The following HSPA14 variants were observed in gnomAD, a reference collection of about 807,000 sequenced individuals.
HSPA14 encodes the protein heat shock protein family A (Hsp70) member 14, also known as heat shock 70 kDa protein 14.
In HSPA14, 37 loss-of-function variants were observed where a neutral mutation model predicts 65.5. The ratio of observed to expected loss-of-function variants is 0.56; its 90% CI spans 0.43 to 0.74. HSPA14 has a LOEUF of 0.74. HSPA14 is among the 30% of genes least tolerant of loss of function. The pLI, the probability that HSPA14 is intolerant of heterozygous loss-of-function variation, is 0.00. For missense variants in HSPA14, 564 were observed against 607.6 expected (o/e 0.93, Z 0.75); for synonymous variants, 203 against 214.2 (o/e 0.95, Z 0.46).
rs1255512417 is a variant in HSPA14, at chr10:14,839,903, AGGATGGCCGG to A, written c.58_67del (p.Asp20LeufsTer35). Reference sequence around the variant, plus strand: ...CTATGTATTTCGTGTTTTTTTCTCTAGGATGGCCGGGCTGGTGTGGTTGCAAATGATGCCG... The same window carrying A: ...CTATGTATTTCGTGTTTTTTTCTCTAGCTGGTGTGGTTGCAAATGATGCCG... On this transcript the variant is annotated splice_acceptor_variant and coding_sequence_variant, in exon 2 of 14. Transcript: ENST00000378372. LOFTEE classifies it high-confidence loss of function. The A allele has an allele frequency of 6.2e-7, 1 of 1,611,752 alleles. No homozygotes were observed.
At chr10:14,838,739 C>T in intron 1 of HSPA14, among the ~76,000 whole-genome samples, 1 of 152,074 alleles carries the variant, frequency 6.6e-6, no homozygotes, top group East Asian at 1.9e-4. Flanking sequence ...GTCCCAGGGA[C>T]GACGTAGCTG....
At chr10:14,853,860 C>T (rs945671975) in intron 8 of HSPA14, among the ~76,000 whole-genome samples, 9 of 152,152 alleles carry the variant, frequency 5.9e-5, no homozygotes, top group Non-Finnish European at 1.2e-4. Flanking sequence ...GCTGGGATTA[C>T]AGGCATGCAC....
At chr10:14,852,238 CAACT>C in intron 7 of HSPA14, 128 bp from the exon 8 acceptor site, 1 of 713,148 alleles carries the variant, frequency 1.4e-6, no homozygotes, top group East Asian at 2.6e-5. Context: ...TGACTATAGA[CAACT>C]TAGTTATTCA....
At chr10:14,854,910 A>C (rs185243573) in intron 9 of HSPA14, among the ~76,000 whole-genome samples, 50 of 152,346 alleles carry the variant, frequency 3.3e-4, no homozygotes, top group African/African-American at 1.0e-3. Context: ...TTCAGTAGTC[A>C]TGTGGCTAGT....
chr10:14,863,202 T>C (rs747479916), intron 10 of HSPA14, among the ~76,000 whole-genome samples: 1 of 151,960 alleles, frequency 6.6e-6, no homozygotes, highest in Non-Finnish European at 1.5e-5. Flanking sequence ...AATTTATAAT[T>C]TTTATATTAT....
chr10:14,866,253 C>G (rs1349728671), intron 10 of HSPA14, among the ~76,000 whole-genome samples: 1 of 152,094 alleles, frequency 6.6e-6, no homozygotes, highest in Non-Finnish European at 1.5e-5. Context: ...AACAAAATAT[C>G]CTACAGCTGA....
At chr10:14,862,794 C>T (rs906833360) in intron 10 of HSPA14, among the ~76,000 whole-genome samples, 1 of 152,160 alleles carries the variant, frequency 6.6e-6, no homozygotes, top group Non-Finnish European at 1.5e-5. Context: ...ATCCTCCTAC[C>T]TCAGCCTCCC....
Position 14,840,091 on chromosome 10 carries a change from C to T in HSPA14, c.155C>T (p.Ala52Val), listed in dbSNP as rs1380273385. Reference protein sequence around the residue: ...SENEEIVGLAAKQSRIRNISN... With the variant: ...SENEEIVGLAVKQSRIRNISN... ...TTTTTTCAGATTGTTGGATTGGCAG[C>T]AAAACAAAGTAGAATAAGAAATATT... is the stretch of plus-strand genomic sequence containing the variant. Residue 52 changes from alanine (A) to valine (V), a missense_variant, in exon 3 of 14, where the codon GCA (alanine) becomes GTA (valine). Physicochemically the swap from Ala to Val is moderately conservative, Grantham distance 64 (BLOSUM62 0). Coordinates refer to ENST00000378372, the MANE Select transcript of HSPA14 (RefSeq NM_016299.4). 9 of 1,425,758 alleles carry T rather than the reference C, an allele frequency of 6.3e-6. No homozygotes were observed. Among genetic ancestry groups the T allele is most frequent in the Non-Finnish European group, 8.4e-6 (9 of 1,072,168 alleles). 88.3% of individuals were successfully genotyped at this position (1,425,758 alleles called of 1,614,324 possible).
chr10:14,862,015 A>G (rs1356995117), intron 10 of HSPA14, among the ~76,000 whole-genome samples: 1 of 143,040 alleles, frequency 7.0e-6, no homozygotes, highest in Admixed American at 7.0e-5. Context: ...TGTCTCAAAA[A>G]AAAAAAAGAA....
chr10:14,858,110 T>A (rs1164875688), intron 10 of HSPA14, among the ~76,000 whole-genome samples: 1 of 152,172 alleles, frequency 6.6e-6, no homozygotes, highest in African/African-American at 2.4e-5. Flanking sequence ...TCCTGACACT[T>A]TCTCTTGTTA....
At chr10:14,838,624 G>A in intron 1 of HSPA14, 165 bp downstream of exon 1, 2 of 636,736 alleles carry the variant, frequency 3.1e-6, no homozygotes, top group Non-Finnish European at 5.1e-6. Context: ...GCCCGGCCTC[G>A]CGCCTGGCGA....
intron 12 of HSPA14, among the ~76,000 whole-genome samples, chr10:14,870,269 T>A (rs1337593073): frequency 6.6e-6 from 1 of 152,216 alleles, no homozygotes; most frequent in Non-Finnish European, 1.5e-5. Context: ...GGGAATGGCT[T>A]ACTTACCAAA....
chr10:14,855,978 T>G (rs762331228), intron 10 of HSPA14, 35 bp downstream of exon 10: 1 of 1,193,380 alleles, frequency 8.4e-7, no homozygotes. Flanking sequence ...CTATTTTAGG[T>G]GTAGTTTCAG....
chr10:14,847,238 G>T (rs975491583), intron 3 of HSPA14, among the ~76,000 whole-genome samples: 2 of 152,126 alleles, frequency 1.3e-5, no homozygotes, highest in African/African-American at 4.8e-5. Flanking sequence ...TCTTGTCTGG[G>T]TGGTAGACAA....
At chr10:14,851,124 A>T in intron 6 of HSPA14, 95 bp from the exon 7 acceptor site, 1 of 715,910 alleles carries the variant, frequency 1.4e-6, no homozygotes, top group Non-Finnish European at 2.4e-6. Context: ...ATGAAATTTT[A>T]GTAGCTTTTG....
At chr10:14,868,266 A>T (rs993211038) in intron 12 of HSPA14, among the ~76,000 whole-genome samples, 2 of 152,196 alleles carry the variant, frequency 1.3e-5, no homozygotes, top group African/African-American at 4.8e-5. Flanking sequence ...GGCCTGTGAT[A>T]GCAAATACCC....
chr10:14,859,068 T>G (rs2131644091), intron 10 of HSPA14, among the ~76,000 whole-genome samples: 1 of 152,276 alleles, frequency 6.6e-6, no homozygotes, highest in South Asian at 2.1e-4. Context: ...GCAGAGAGCT[T>G]CAGGGTTCCT....
At position 14,858,597 on chromosome 10, in the gene HSPA14, G is replaced by C. The variant is rs527498592; in HGVS notation, c.993+2654G>C. On this transcript the variant is annotated intron_variant, in intron 10 of 13. Coordinates refer to ENST00000378372, the MANE Select transcript of HSPA14 (RefSeq NM_016299.4). ...CACAGGAGCAGCTGCCTGGGCCTTC[G>C]ATTAGATAGGTGCATGTCAGTGCAT... 1.8e-4 allele frequency among the ~76,000 whole-genome samples: 28 copies of C among 152,296 alleles called. No individual in the cohort carries two copies. The East Asian group carries it at 4.6e-3, about 25-fold the overall frequency.
chr10:14,871,444 G>T, intron 13 of HSPA14, 84 bp from the exon 14 acceptor site: 1 of 761,506 alleles, frequency 1.3e-6, no homozygotes, highest in East Asian at 2.6e-5. Context: ...CTTGTTTACT[G>T]AAAGCCCTCA....
Sources: gnomAD v4.1 joint callset for allele counts (sites outside exome capture counted in the v4.1 genomes callset) on GRCh38, gnomAD v4.1.1 for gene constraint, MANE v1.5 for transcripts, NCBI Gene and HGNC (gene_info 2026-07-23, HGNC 2026-07-21) for gene names.